Variants in DAB1 observed in about 807,000 individuals in gnomAD.
DAB1 encodes the protein DAB adaptor protein 1.
In DAB1, 15 loss-of-function variants were observed where a neutral mutation model predicts 64.6. That is an observed-to-expected ratio of 0.23 (90% CI 0.16 to 0.36). DAB1 has a LOEUF of 0.36. Among genes scored for constraint, DAB1 ranks in the 10% least tolerant of loss-of-function variants. The pLI is 1.00. For missense variants in DAB1, 596 were observed against 706.7 expected (o/e 0.84, Z 1.78); for synonymous variants, 235 against 251.9 (o/e 0.93, Z 0.64).
At chr1:58,225,579 T>C (rs1477762510) in intron 4 of DAB1, among the ~76,000 whole-genome samples, 4 of 152,008 alleles carry the variant, frequency 2.6e-5, no homozygotes, top group Non-Finnish European at 4.4e-5. Context: ...CCAACAATGA[T>C]AGACTGGATA....
intron 2 of DAB1, among the ~76,000 whole-genome samples, chr1:57,282,908 GT>G (rs1384632885): frequency 6.6e-6 from 1 of 152,170 alleles, no homozygotes. Flanking sequence ...TAGCTAATCA[GT>G]TTCTATGCTC....
chr1:57,584,015 G>A (rs893278789), intron 7 of DAB1, among the ~76,000 whole-genome samples: 15 of 152,278 alleles, frequency 9.9e-5, no homozygotes, highest in African/African-American at 3.1e-4. Flanking sequence ...CCTTGTGGAC[G>A]AACTGCAACC....
At position 58,296,192 on chromosome 1, in the gene DAB1, A is replaced by G. The variant is rs565556607; in HGVS notation, n.309+47160T>C. 1.1e-4 allele frequency among the ~76,000 whole-genome samples: 14 copies of G among 128,920 alleles called. 1 individual carries two copies. Among genetic ancestry groups the G allele is most frequent in the Admixed American group, 1.1e-3 (13 of 12,188 alleles). 84.6% of individuals were successfully genotyped at this position (128,920 alleles called of 152,430 possible). On this transcript the variant is annotated intron_variant and non_coding_transcript_variant, in intron 4 of 20. Coordinates refer to the DAB1 transcript ENST00000485760. ...AAAGAAAAAAGAAAGAAAGAGAAAG[A>G]AAGAGAAAGAAAGAAAGAAAGAAAG...
chr1:57,659,532 C>A (rs1032722391), intron 6 of DAB1, among the ~76,000 whole-genome samples: 1 of 152,162 alleles, frequency 6.6e-6, no homozygotes, highest in Non-Finnish European at 1.5e-5. Context: ...GTTCTCTACT[C>A]TGTCATTACT....
intron 7 of DAB1, among the ~76,000 whole-genome samples, chr1:57,444,015 C>A (rs914683109): frequency 3.3e-5 from 5 of 152,136 alleles, no homozygotes; most frequent in Admixed American, 6.5e-5. Context: ...CTATCATCTG[C>A]CCCATCATCA....
chr1:57,033,338 T>A (rs770722590), intron 9 of DAB1: 5 of 1,580,158 alleles, frequency 3.2e-6, no homozygotes, highest in Non-Finnish European at 4.3e-6. Context: ...ATGGAATGCA[T>A]GAGTATGAGC....
intron 7 of DAB1, among the ~76,000 whole-genome samples, chr1:57,618,218 C>T (rs939201240): frequency 4.6e-5 from 7 of 152,148 alleles, no homozygotes; most frequent in East Asian, 3.9e-4. Flanking sequence ...AGTTCAAGAC[C>T]GGCCTAGCCA....
chr1:57,870,455 C>T (rs1429492536), intron 1 of DAB1, among the ~76,000 whole-genome samples: 4 of 152,088 alleles, frequency 2.6e-5, no homozygotes, highest in East Asian at 1.9e-4. Flanking sequence ...TTAGGCATTA[C>T]ATAGACTTGT....
At chr1:57,107,237 T>C (rs1415923862) in intron 4 of DAB1, among the ~76,000 whole-genome samples, 2 of 152,026 alleles carry the variant, frequency 1.3e-5, no homozygotes, top group Non-Finnish European at 2.9e-5. Context: ...TAGCTGGGCA[T>C]GTTGGTGGAT....
At chr1:57,361,769 A>G (rs926636849) in intron 1 of DAB1, among the ~76,000 whole-genome samples, 2 of 152,160 alleles carry the variant, frequency 1.3e-5, no homozygotes, top group Admixed American at 6.5e-5. Flanking sequence ...TTGGAAGAGA[A>G]CTAAACAGAG....
intron 7 of DAB1, among the ~76,000 whole-genome samples, chr1:57,478,537 T>A (rs1213342239): frequency 6.6e-6 from 1 of 151,636 alleles, no homozygotes; most frequent in Non-Finnish European, 1.5e-5. Context: ...TAATAGATGC[T>A]CTCTTAACCA....
At chr1:57,238,895 C>CA (rs1558002698) in intron 2 of DAB1, among the ~76,000 whole-genome samples, 36 of 124,786 alleles carry the variant, frequency 2.9e-4, no homozygotes, top group African/African-American at 9.4e-4. Flanking sequence ...ACACACACAC[C>CA]CCTAACTTGA....
chr1:57,569,910 T>C (rs1645173944), intron 7 of DAB1, among the ~76,000 whole-genome samples: 1 of 152,198 alleles, frequency 6.6e-6, no homozygotes, highest in African/African-American at 2.4e-5. Context: ...AGTTGTATTA[T>C]GTTAGGTGCA....
At chr1:58,213,323 T>C (rs1439164189) in intron 4 of DAB1, among the ~76,000 whole-genome samples, 1 of 152,158 alleles carries the variant, frequency 6.6e-6, no homozygotes, top group Admixed American at 6.6e-5. Context: ...GGCAGGGTCA[T>C]TGTATTAGTC....
intron 5 of DAB1, among the ~76,000 whole-genome samples, chr1:57,916,055 G>A (rs1433825530): frequency 1.3e-5 from 2 of 152,134 alleles, no homozygotes; most frequent in Non-Finnish European, 2.9e-5. Flanking sequence ...CAAGACCCCG[G>A]GTCTTCTTCC....
chr1:57,839,244 C>A (rs1228438376), intron 1 of DAB1, among the ~76,000 whole-genome samples: 1 of 152,154 alleles, frequency 6.6e-6, no homozygotes, highest in Non-Finnish European at 1.5e-5. Flanking sequence ...TGACTCAGGC[C>A]TCAGACTCCT....
intron 2 of DAB1, among the ~76,000 whole-genome samples, chr1:58,526,432 G>A (rs1646350780): frequency 6.6e-6 from 1 of 151,958 alleles, no homozygotes. Context: ...AAGTGGCATT[G>A]CTTTCACTCA....
At chr1:58,071,241 C>T (rs1649225602) in intron 5 of DAB1, among the ~76,000 whole-genome samples, 1 of 152,078 alleles carries the variant, frequency 6.6e-6, no homozygotes, top group Non-Finnish European at 1.5e-5. Context: ...GTTACTAATC[C>T]AGCTGAGGAA....
chr1:58,424,921 T>G (rs1186663938), intron 3 of DAB1, among the ~76,000 whole-genome samples: 3 of 147,854 alleles, frequency 2.0e-5, no homozygotes, highest in African/African-American at 7.5e-5. Context: ...GGTGGGTGGG[T>G]GAACACAGTT....
Sources: allele counts gnomAD v4.1 joint callset (sites outside exome capture counted in the v4.1 genomes callset), GRCh38; gene constraint gnomAD v4.1.1; transcripts MANE v1.5; gene names NCBI Gene and HGNC (gene_info 2026-07-23, HGNC 2026-07-21).